FLACC1: variants seen among roughly 807,000 people sequenced by gnomAD.
The protein encoded by FLACC1 is flagellum-associated coiled-coil domain-containing protein 1.
A neutral mutation model predicts 62.8 loss-of-function variants in FLACC1; 66 were observed. That is an observed-to-expected ratio of 1.05 (90% CI 0.86 to 1.29). The LOEUF (loss-of-function observed/expected upper bound fraction) is 1.29. FLACC1 is among the 50% of genes most tolerant of loss of function. The pLI, the probability that FLACC1 is intolerant of heterozygous loss-of-function variation, is 0.00. For synonymous variants in FLACC1, 156 were observed against 161.0 expected (o/e 0.97, Z 0.24); for missense variants, 452 against 489.1 (o/e 0.92, Z 0.71).
chr2:201,330,600 G>T, intron 8 of FLACC1, 78 bp from the exon 9 acceptor site: 1 of 1,544,312 alleles, frequency 6.5e-7, no homozygotes, highest in Non-Finnish European at 8.9e-7. Context: ...GAGTTCTTCT[G>T]CACACCTTCC....
At chr2:201,335,463 G>A (rs888870470) in intron 7 of FLACC1, among the ~76,000 whole-genome samples, 3 of 151,912 alleles carry the variant, frequency 2.0e-5, no homozygotes, top group African/African-American at 7.3e-5. Flanking sequence ...TGTGTTCTTG[G>A]CACCTTTGTC....
upstream of FLACC1, among the ~76,000 whole-genome samples, chr2:201,359,926 A>C (rs1337315431): frequency 7.0e-6 from 1 of 142,416 alleles, no homozygotes; most frequent in Non-Finnish European, 1.6e-5. Flanking sequence ...TTATATTTAA[A>C]TCCTTTCTTA....
At chr2:201,303,372 T>G (rs1162006215) in intron 11 of FLACC1, among the ~76,000 whole-genome samples, 1 of 152,106 alleles carries the variant, frequency 6.6e-6, no homozygotes, top group African/African-American at 2.4e-5. Context: ...CTCCCAAGAC[T>G]TAACCAGGAA....
intron 11 of FLACC1, among the ~76,000 whole-genome samples, chr2:201,303,331 A>G (rs1950029153): frequency 6.6e-6 from 1 of 152,216 alleles, no homozygotes; most frequent in Admixed American, 6.5e-5. Flanking sequence ...AAAATCTAGA[A>G]GAAATGGATA....
chr2:201,345,081 A>T (rs1950885269), intron 5 of FLACC1, among the ~76,000 whole-genome samples: 1 of 152,254 alleles, frequency 6.6e-6, no homozygotes, highest in Admixed American at 6.5e-5. Context: ...GAATACAACA[A>T]GCACAGGTTA....
intron 7 of FLACC1, among the ~76,000 whole-genome samples, chr2:201,335,158 T>C (rs1358061083): frequency 6.6e-6 from 1 of 152,122 alleles, no homozygotes; most frequent in African/African-American, 2.4e-5. Context: ...TCTGATCTTA[T>C]TTATTTGAGT....
chr2:201,289,324 C>A, intron 14 of FLACC1, 133 bp downstream of exon 14: 1 of 756,968 alleles, frequency 1.3e-6, no homozygotes, highest in East Asian at 2.6e-5. Context: ...AGTGACATAC[C>A]TCCCTCCCGA....
intron 6 of FLACC1, 57 bp downstream of exon 6, chr2:201,344,113 C>T (rs540015713): frequency 1.3e-6 from 2 of 1,493,312 alleles, no homozygotes; most frequent in East Asian, 2.3e-5. Flanking sequence ...ATAGGTGATT[C>T]AAAAATATTA....
At chr2:201,328,600 A>G (rs1950538519) in intron 9 of FLACC1, among the ~76,000 whole-genome samples, 1 of 151,860 alleles carries the variant, frequency 6.6e-6, no homozygotes, top group Non-Finnish European at 1.5e-5. Flanking sequence ...TAATTTTCGT[A>G]TTTTCAGTAG....
intron 11 of FLACC1, among the ~76,000 whole-genome samples, chr2:201,302,369 A>G (rs1198600284): frequency 1.3e-5 from 2 of 152,258 alleles, no homozygotes; most frequent in African/African-American, 4.8e-5. Context: ...TCAATTCAAC[A>G]AGAAGAGCTA....
intron 9 of FLACC1, among the ~76,000 whole-genome samples, chr2:201,311,672 G>A (rs7609223): frequency 0.35 from 49,854 of 144,106 alleles, 9,838 homozygotes; most frequent in East Asian, 0.49. Context: ...CTGCACTCCA[G>A]CCCAGGTGAC....
chr2:201,342,529 G>GCCTTCCAATTCATGGGGCACAGCCC (rs1950831743), intron 6 of FLACC1, 98 bp from the exon 7 acceptor site: 2 of 1,214,168 alleles, frequency 1.6e-6, no homozygotes, highest in Admixed American at 3.7e-5. Context: ...GGGCACAGCC[G>GCCTTCCAATTCATGGGGCACAGCCC]CCTTCCAATT....
upstream of FLACC1, among the ~76,000 whole-genome samples, chr2:201,357,801 C>T (rs1404838972): frequency 3.3e-5 from 3 of 90,132 alleles, no homozygotes; most frequent in Non-Finnish European, 6.8e-5. Flanking sequence ...CAAGGTTTTC[C>T]GATTTTTTTT....
At position 201,353,795 on chromosome 2, in the gene FLACC1, G is replaced by A. The variant is rs142344997; in HGVS notation, c.-47-2344C>T. Among the ~76,000 whole-genome samples the A allele has an allele frequency of 5.2e-4, 79 of 152,160 alleles. No individual in the cohort carries two copies. The East Asian group carries it at 0.011, about 22-fold the overall frequency. On this transcript the variant is annotated intron_variant, in intron 1 of 14. Coordinates refer to ENST00000392257, the MANE Select transcript of FLACC1 (RefSeq NM_001127391.3). Reference sequence around the variant, plus strand: ...GTATTTTTAGTAGAGACTGGGTTTCGCCATGTTGATCAGGCTGATCTTGCA... The same window carrying A: ...GTATTTTTAGTAGAGACTGGGTTTCACCATGTTGATCAGGCTGATCTTGCA...
chr2:201,306,662 A>G (rs1950113212), intron 11 of FLACC1, among the ~76,000 whole-genome samples: 1 of 152,170 alleles, frequency 6.6e-6, no homozygotes, highest in Admixed American at 6.5e-5. Flanking sequence ...GTAACCATAA[A>G]AGTAAAAAAA....
chr2:201,342,528 C>T (rs752305017), intron 6 of FLACC1, 97 bp from the exon 7 acceptor site: 100 of 1,239,720 alleles, frequency 8.1e-5, no homozygotes, highest in South Asian at 2.6e-4. Context: ...GGGGCACAGC[C>T]GCCTTCCAAT....
chr2:201,344,130 T>C (rs1950865861), intron 6 of FLACC1, 40 bp downstream of exon 6: 1 of 1,524,856 alleles, frequency 6.6e-7, no homozygotes, highest in Non-Finnish European at 9.0e-7. Context: ...ATTAATTTTA[T>C]TTTGTCCATG....
chr2:201,304,708 C>T (rs894849175), intron 11 of FLACC1, among the ~76,000 whole-genome samples: 13 of 152,188 alleles, frequency 8.5e-5, no homozygotes, highest in African/African-American at 3.1e-4. Context: ...GTAACCAAAA[C>T]AGCATGGTAC....
At chr2:201,356,572 G>T (rs1043857931) in intron 1 of FLACC1, among the ~76,000 whole-genome samples, 10 of 152,220 alleles carry the variant, frequency 6.6e-5, no homozygotes, top group Non-Finnish European at 1.0e-4. Context: ...CAGAAATGTT[G>T]TGAGTGCATA....
Sources: gnomAD v4.1 joint callset for allele counts (sites outside exome capture counted in the v4.1 genomes callset) on GRCh38, gnomAD v4.1.1 for gene constraint, MANE v1.5 for transcripts, NCBI Gene and HGNC (gene_info 2026-07-23, HGNC 2026-07-21) for gene names.